Variants in UTRN observed in about 807,000 individuals in gnomAD.
UTRN encodes the protein utrophin.
In UTRN, 283 loss-of-function variants were observed where a neutral mutation model predicts 463.9. The observed-to-expected ratio is 0.61, with a 90% confidence interval of 0.55 to 0.67. UTRN has a LOEUF of 0.67. UTRN is among the 30% of genes least tolerant of loss of function. The probability of loss-of-function intolerance (pLI) is 0.00; values close to 1 mark genes in which losing one functional copy is unlikely to be tolerated. For synonymous variants in UTRN, 1,442 were observed against 1,431.5 expected (o/e 1.01, Z -0.17); for missense variants, 3,922 against 4,084.3 (o/e 0.96, Z 1.08).
chr6:144,627,866 C>T (rs1237962583), intron 51 of UTRN, among the ~76,000 whole-genome samples: 1 of 139,174 alleles, frequency 7.2e-6, no homozygotes, highest in East Asian at 2.2e-4. Flanking sequence ...GTGGCATGAT[C>T]TCAGCTTACT....
intron 54 of UTRN, among the ~76,000 whole-genome samples, chr6:144,732,267 T>C (rs1470374884): frequency 7.8e-5 from 7 of 89,716 alleles, no homozygotes; most frequent in East Asian, 9.5e-4. Flanking sequence ...TACACACATA[T>C]ATATATATAT....
chr6:144,356,398 C>T (rs925266161), intron 2 of UTRN, among the ~76,000 whole-genome samples: 2 of 152,102 alleles, frequency 1.3e-5, no homozygotes, highest in Non-Finnish European at 2.9e-5. Context: ...CCAGATGTCT[C>T]GTAGGTGGCA....
At chr6:144,512,906 T>C (rs1170810313) in intron 35 of UTRN, among the ~76,000 whole-genome samples, 1 of 152,256 alleles carries the variant, frequency 6.6e-6, no homozygotes, top group Non-Finnish European at 1.5e-5. Flanking sequence ...TAAAAACTTT[T>C]ACTGTCTAAG....
In UTRN at chr6:144,542,875, G is replaced by A; in HGVS notation, c.6595+5G>A. ...TTTCACAGACAAGGATTGCTGGTAA[G>A]ATATGTTTATCTTTAACAAAGTTTT... On this transcript the variant is annotated splice_donor_5th_base_variant and intron_variant, in intron 46 of 74. Coordinates refer to ENST00000367545, the MANE Select transcript of UTRN (RefSeq NM_007124.3). 7 of 1,609,434 alleles carry A rather than the reference G, an allele frequency of 4.3e-6. No individual in the cohort carries two copies. Among genetic ancestry groups the A allele is most frequent in the Non-Finnish European group, 5.9e-6 (7 of 1,177,946 alleles).
At chr6:144,616,485 T>C (rs1806113811) in intron 51 of UTRN, among the ~76,000 whole-genome samples, 1 of 151,862 alleles carries the variant, frequency 6.6e-6, no homozygotes, top group East Asian at 1.9e-4. Context: ...TTGTTTCCTA[T>C]GCACTCATGG....
intron 53 of UTRN, among the ~76,000 whole-genome samples, chr6:144,717,604 TTTTTTC>T (rs1172650223): frequency 3.8e-4 from 58 of 151,594 alleles, no homozygotes; most frequent in African/African-American, 1.1e-3. Flanking sequence ...ATAATTCCAT[TTTTTTC>T]TTTTTCTTTT....
At chr6:144,808,354 T>G (rs1294854914) in intron 65 of UTRN, among the ~76,000 whole-genome samples, 1 of 152,136 alleles carries the variant, frequency 6.6e-6, no homozygotes, top group Non-Finnish European at 1.5e-5. Context: ...TAGTTATATC[T>G]TATATTAAAG....
At chr6:144,549,871 G>T (rs1396771071) in intron 47 of UTRN, among the ~76,000 whole-genome samples, 1 of 152,238 alleles carries the variant, frequency 6.6e-6, no homozygotes, top group African/African-American at 2.4e-5. Flanking sequence ...GAAGGAGCCT[G>T]CAGGCTGTGC....
intron 50 of UTRN, among the ~76,000 whole-genome samples, chr6:144,562,320 A>G (rs1800005134): frequency 1.3e-5 from 2 of 152,134 alleles, no homozygotes; most frequent in African/African-American, 4.8e-5. Context: ...TAGTAAGTCC[A>G]GCATTCATTA....
chr6:144,338,426 A>G (rs1776900836), intron 2 of UTRN, among the ~76,000 whole-genome samples: 1 of 152,138 alleles, frequency 6.6e-6, no homozygotes, highest in Admixed American at 6.5e-5. Flanking sequence ...GGAGTTAATT[A>G]GATTGTGAGA....
At chr6:144,814,189 A>G (rs1029694207) in intron 65 of UTRN, among the ~76,000 whole-genome samples, 3 of 152,208 alleles carry the variant, frequency 2.0e-5, no homozygotes, top group Non-Finnish European at 4.4e-5. Flanking sequence ...TGGAGCTGTC[A>G]TAAATGAAAT....
At chr6:144,311,411 T>G (rs900453756) in intron 2 of UTRN, among the ~76,000 whole-genome samples, 1 of 152,206 alleles carries the variant, frequency 6.6e-6, no homozygotes, top group Admixed American at 6.5e-5. Flanking sequence ...GAACACAATT[T>G]GAAAATCACT....
chr6:144,546,607 C>G (rs1349750324), intron 46 of UTRN, among the ~76,000 whole-genome samples: 1 of 151,772 alleles, frequency 6.6e-6, no homozygotes, highest in Non-Finnish European at 1.5e-5. Flanking sequence ...TTGAGACCAG[C>G]CTGGGTAACA....
chr6:144,771,651 C>T (rs1299894442), intron 58 of UTRN, among the ~76,000 whole-genome samples: 1 of 151,968 alleles, frequency 6.6e-6, no homozygotes, highest in Non-Finnish European at 1.5e-5. Flanking sequence ...GTCTCAATCT[C>T]CTGACCTCAA....
intron 2 of UTRN, among the ~76,000 whole-genome samples, chr6:144,299,376 C>A (rs1297682761): frequency 2.0e-5 from 3 of 152,196 alleles, no homozygotes; most frequent in African/African-American, 7.2e-5. Context: ...TTTATTATTT[C>A]TACTTATAAA....
chr6:144,461,885 T>A (rs1051551518), intron 22 of UTRN, among the ~76,000 whole-genome samples: 4 of 152,194 alleles, frequency 2.6e-5, no homozygotes, highest in African/African-American at 9.7e-5. Flanking sequence ...TTCATGAGTT[T>A]TTCATGTTTT....
At chr6:144,569,384 A>T (rs941523776) in intron 50 of UTRN, among the ~76,000 whole-genome samples, 2 of 150,064 alleles carry the variant, frequency 1.3e-5, no homozygotes, top group South Asian at 4.2e-4. Flanking sequence ...TATATGCATT[A>T]AAAAAAAATT....
intron 51 of UTRN, among the ~76,000 whole-genome samples, chr6:144,607,144 A>C (rs956137156): frequency 1.3e-5 from 2 of 152,234 alleles, no homozygotes; most frequent in East Asian, 1.9e-4. Context: ...GCTTATGAGA[A>C]TCAATGTTGA....
At chr6:144,635,535 CTTTTTTTTT>C (rs1219903798) in intron 51 of UTRN, among the ~76,000 whole-genome samples, 1 of 33,186 alleles carries the variant, frequency 3.0e-5, no homozygotes, top group Non-Finnish European at 5.3e-5. Flanking sequence ...TTTTTCTTTT[CTTTTTTTTT>C]TTTTTTTTTT....
Sources: allele counts gnomAD v4.1 joint callset (sites outside exome capture counted in the v4.1 genomes callset), GRCh38; gene constraint gnomAD v4.1.1; transcripts MANE v1.5; gene names NCBI Gene and HGNC (gene_info 2026-07-23, HGNC 2026-07-21).